Variants in CNNM2 observed in about 807,000 individuals in gnomAD.
The protein encoded by CNNM2 is metal transporter CNNM2.
A neutral mutation model predicts 66.9 loss-of-function variants in CNNM2; 12 were observed. That is an observed-to-expected ratio of 0.18 (90% CI 0.11 to 0.29). CNNM2 has a LOEUF of 0.29. Ranked by LOEUF, CNNM2 falls within the 10% of genes least tolerant of loss-of-function variation. The pLI is 1.00. For missense variants in CNNM2, 705 were observed against 1,167.7 expected (o/e 0.60, Z 5.77); for synonymous variants, 557 against 501.8 (o/e 1.11, Z -1.47).
intron 1 of CNNM2, among the ~76,000 whole-genome samples, chr10:103,043,434 G>A (rs979571301): frequency 6.6e-6 from 1 of 152,124 alleles, no homozygotes; most frequent in African/African-American, 2.4e-5. Flanking sequence ...TCATCTGGCC[G>A]TTACAGGTGT....
intron 1 of CNNM2, among the ~76,000 whole-genome samples, chr10:102,944,659 T>G (rs1337504481): frequency 6.6e-6 from 1 of 151,020 alleles, no homozygotes; most frequent in Non-Finnish European, 1.5e-5. Context: ...GAAAGTAGGT[T>G]GCAGACATCA....
rs546554240 is a variant in CNNM2 at position 103,076,973 on chromosome 10, C to T, written c.2421C>T (p.Ile807=). 1.9e-6 allele frequency: 3 copies of T among 1,613,600 alleles called. No individual in the cohort carries two copies. The highest frequency in any genetic ancestry group is 1.1e-5 in the South Asian group (1 of 91,078). The change falls in exon 8 of 8, where the codon ATC becomes ATT. Residue 807 remains isoleucine (I), a splice_region_variant and synonymous_variant. Coordinates refer to ENST00000369878, the MANE Select transcript of CNNM2 (RefSeq NM_017649.5). ...TCTGTGCCATCTTCTGGCCCCAGAT[C>T]TCAAGACAGCAATACCAAAATGCCT... ...RALSDLQFVK[I]SRQQYQNALM... is the part of the protein sequence containing the mutation.
chr10:102,959,181 G>A lies in CNNM2; in HGVS notation c.1621+39080G>A, dbSNP rs374984833. Among the ~76,000 whole-genome samples, 12 of 151,814 alleles carry A rather than the reference G, an allele frequency of 7.9e-5. No individual in the cohort carries two copies. In the East Asian group the frequency reaches 1.2e-3, roughly 15 times the overall value. On this transcript the variant is annotated intron_variant, in intron 1 of 7. Transcript: ENST00000369878. Reference sequence around the variant, plus strand: ...AACTCCTGGGCTCAAGCGATCACCCGCCTTAGTCTCCCAAAGTGCTGATTA... The same window carrying A: ...AACTCCTGGGCTCAAGCGATCACCCACCTTAGTCTCCCAAAGTGCTGATTA...
intron 1 of CNNM2, among the ~76,000 whole-genome samples, chr10:102,996,120 C>T (rs1347751180): frequency 6.6e-6 from 1 of 151,988 alleles, no homozygotes; most frequent in Admixed American, 6.5e-5. Context: ...AATGGTATTC[C>T]CCTCTTTTTT....
At chr10:103,072,104 A>T (rs1416996766) in intron 6 of CNNM2, among the ~76,000 whole-genome samples, 1 of 152,122 alleles carries the variant, frequency 6.6e-6, no homozygotes, top group Non-Finnish European at 1.5e-5. Flanking sequence ...TCTGGTGTGG[A>T]TTGTTAGCGC....
At chr10:103,013,871 G>A (rs1446982014) in intron 1 of CNNM2, among the ~76,000 whole-genome samples, 1 of 152,158 alleles carries the variant, frequency 6.6e-6, no homozygotes, top group Non-Finnish European at 1.5e-5. Flanking sequence ...ATTTATTGGA[G>A]GGACAGCTCA....
chr10:102,995,638 C>G (rs1228939374), intron 1 of CNNM2, among the ~76,000 whole-genome samples: 1 of 147,696 alleles, frequency 6.8e-6, no homozygotes, highest in East Asian at 2.0e-4. Flanking sequence ...TTTACAAGTA[C>G]TAATTTAATA....
intron 4 of CNNM2, among the ~76,000 whole-genome samples, chr10:103,062,014 A>G (rs1205300055): frequency 6.6e-6 from 1 of 152,242 alleles, no homozygotes; most frequent in Non-Finnish European, 1.5e-5. Context: ...ATCATATCCT[A>G]AACTGGTAGC....
At chr10:102,989,615 C>T (rs887299216) in intron 1 of CNNM2, among the ~76,000 whole-genome samples, 3 of 151,866 alleles carry the variant, frequency 2.0e-5, no homozygotes, top group African/African-American at 7.3e-5. Context: ...CCAGCCTGGC[C>T]AACATGGCGA....
At position 103,054,585 on chromosome 10, in the gene CNNM2, C is replaced by T; in HGVS notation, c.1903+119C>T. 9.6e-7 allele frequency: 1 copy of T among 1,041,418 alleles called. No individual in the cohort carries two copies. Among genetic ancestry groups the T allele is most frequent in the Non-Finnish European group, 1.4e-6 (1 of 717,070 alleles). The allele number at this position is 1,041,418 out of a possible 1,614,324, so 64.5% of individuals were successfully genotyped here. ...GGAAATGGGGTGATAAGTAATGCCA[C>T]TTTTGTGTTTTGTTTTTTTTGTTTT... On this transcript the variant is annotated intron_variant, in intron 3 of 7. Coordinates refer to ENST00000369878, the MANE Select transcript of CNNM2 (RefSeq NM_017649.5). This position sits in a 1 kb window ranked among gnomAD's most constrained non-coding sequence, Gnocchi z 5.2.
chr10:102,974,664 G>T (rs1370620458), intron 1 of CNNM2, among the ~76,000 whole-genome samples: 4 of 152,112 alleles, frequency 2.6e-5, no homozygotes, highest in Non-Finnish European at 5.9e-5. Context: ...CCTGCCAGTA[G>T]CTGGGACTGT....
At chr10:103,047,800 A>G (rs1346335191) in intron 1 of CNNM2, among the ~76,000 whole-genome samples, 2 of 152,212 alleles carry the variant, frequency 1.3e-5, no homozygotes, top group South Asian at 2.1e-4. Flanking sequence ...ACAGATTGCA[A>G]TATTCAATAT....
chr10:102,945,452 TAGAA>T (rs1053979628), intron 1 of CNNM2, among the ~76,000 whole-genome samples: 2 of 152,186 alleles, frequency 1.3e-5, no homozygotes, highest in South Asian at 2.1e-4. Context: ...TTTTTGCAAG[TAGAA>T]AGAAAGCATA....
intron 1 of CNNM2, among the ~76,000 whole-genome samples, chr10:103,004,863 C>T (rs1184674268): frequency 6.6e-6 from 1 of 152,162 alleles, no homozygotes; most frequent in African/African-American, 2.4e-5. Context: ...CCACATACAA[C>T]CTGCTGGATT....
intron 1 of CNNM2, among the ~76,000 whole-genome samples, chr10:102,956,185 G>A (rs1170961338): frequency 1.3e-5 from 2 of 151,968 alleles, no homozygotes; most frequent in African/African-American, 4.8e-5. Context: ...CTGCTCGGGA[G>A]GCTGAGGCAG....
intron 1 of CNNM2, among the ~76,000 whole-genome samples, chr10:102,962,690 CTGTGTGTGTGTGTGTGTG>C (rs10580172): frequency 7.0e-6 from 1 of 143,802 alleles, no homozygotes; most frequent in East Asian, 2.0e-4. Flanking sequence ...ATATGATATA[CTGTGTGTGTGTGTGTGTG>C]TGTGTGTGTG....
At chr10:103,032,282 T>A (rs1337651905) in intron 1 of CNNM2, among the ~76,000 whole-genome samples, 3 of 151,872 alleles carry the variant, frequency 2.0e-5, no homozygotes, top group Non-Finnish European at 4.4e-5. Flanking sequence ...AAACCCCATC[T>A]CTACTAAAAA....
At chr10:102,982,595 ACT>A (rs1308919913) in intron 1 of CNNM2, among the ~76,000 whole-genome samples, 1 of 152,156 alleles carries the variant, frequency 6.6e-6, no homozygotes, top group African/African-American at 2.4e-5. Context: ...TGTAATCAAG[ACT>A]GTAAAGCTTT....
intron 1 of CNNM2, among the ~76,000 whole-genome samples, chr10:102,967,031 C>T (rs1425155605): frequency 1.3e-5 from 2 of 152,130 alleles, no homozygotes; most frequent in Non-Finnish European, 1.5e-5. Context: ...ACTTTAGCCT[C>T]GAATTTCTGG....
Sources: gnomAD v4.1 joint callset for allele counts (sites outside exome capture counted in the v4.1 genomes callset) on GRCh38, gnomAD v4.1.1 for gene constraint, Gnocchi (gnomAD v3.1) non-coding constraint, MANE v1.5 for transcripts, NCBI Gene and HGNC (gene_info 2026-07-23, HGNC 2026-07-21) for gene names.